The following TMEM161A variants were observed in gnomAD, a reference collection of about 807,000 sequenced individuals.
TMEM161A encodes the protein transmembrane protein 161A.
A neutral mutation model predicts 57.1 loss-of-function variants in TMEM161A; 46 were observed. The observed-to-expected ratio is 0.81, with a 90% CI of 0.64 to 1.03. TMEM161A has a LOEUF of 1.03. Among genes scored for constraint, TMEM161A ranks in the 50% least tolerant of loss-of-function variants. The pLI is 0.00. For missense variants in TMEM161A, 601 were observed against 621.5 expected (o/e 0.97, Z 0.35); for synonymous variants, 288 against 279.0 (o/e 1.03, Z -0.32).
chr19:19,121,969 C>A lies in TMEM161A; in HGVS notation c.596-150G>T. On this transcript the variant is annotated intron_variant, in intron 6 of 11. Transcript: ENST00000162044. The surrounding 1 kb of genome is among the most constrained non-coding windows in gnomAD (Gnocchi z 5.8). Reference sequence around the variant, plus strand: ...CCAGGCCCTGAGCCAGGCACAAGGACAATTTTGTGCTCTAGTTACACAGTA... The same window carrying A: ...CCAGGCCCTGAGCCAGGCACAAGGAAAATTTTGTGCTCTAGTTACACAGTA... 1 of 796,420 alleles carries A rather than the reference C, an allele frequency of 1.3e-6. No homozygotes were observed. The highest frequency in any genetic ancestry group is 2.0e-6 in the Non-Finnish European group (1 of 506,902). 49.3% of individuals were successfully genotyped at this position (796,420 alleles called of 1,614,324 possible).
At chr19:19,138,014 G>C (rs1380037272) in intron 1 of TMEM161A, among the ~76,000 whole-genome samples, 2 of 152,128 alleles carry the variant, frequency 1.3e-5, no homozygotes, top group Non-Finnish European at 2.9e-5. Context: ...GATGGATCCT[G>C]TCGGCGCGGC....
At chr19:19,138,061 AC>A (rs1449701623) in intron 1 of TMEM161A, among the ~76,000 whole-genome samples, 2 of 151,602 alleles carry the variant, frequency 1.3e-5, no homozygotes, top group African/African-American at 4.9e-5. Context: ...CCCAGAGTGG[AC>A]CCCCAACAGG....
At chr19:19,130,765 C>T (rs1351529776) in intron 5 of TMEM161A, among the ~76,000 whole-genome samples, 1 of 151,320 alleles carries the variant, frequency 6.6e-6, no homozygotes, top group Non-Finnish European at 1.5e-5. Flanking sequence ...AGTGAGACCC[C>T]CATCTCTACA....
rs567712064 is a variant in TMEM161A, at chr19:19,136,633, G to A, written c.4-1746C>T. 2.6e-5 allele frequency among the ~76,000 whole-genome samples: 4 copies of A among 152,228 alleles called. No individual in the cohort carries two copies. The South Asian group carries it at 8.3e-4, about 32-fold the overall frequency. On this transcript the variant is annotated intron_variant, in intron 1 of 11. Coordinates refer to ENST00000162044, the MANE Select transcript of TMEM161A (RefSeq NM_017814.3). ...ATTGTGCCACTGCACTCCAGCCTGG[G>A]CAACAGAGTGGGACTCTGTCTCAAA...
chr19:19,130,464 C>G, intron 5 of TMEM161A, 157 bp from the exon 6 acceptor site: 1 of 842,444 alleles, frequency 1.2e-6, no homozygotes. Flanking sequence ...GGTGCTGGAT[C>G]TCAGATCAGG....
chr19:19,136,908 G>A (rs1341639445), intron 1 of TMEM161A, among the ~76,000 whole-genome samples: 1 of 151,910 alleles, frequency 6.6e-6, no homozygotes, highest in Non-Finnish European at 1.5e-5. Context: ...GGTCAGGGCT[G>A]TTGAAGCCCC....
rs149689841 is a variant in TMEM161A, at chr19:19,120,062, C to G, written c.1308G>C (p.Gly436=). 4.3e-5 allele frequency: 69 copies of G among 1,595,914 alleles called. No homozygotes were observed. The African/African-American group carries it at 8.8e-4, about 20-fold the overall frequency. ...GGGGAGTAAGCAGGCCACCCAGAGC[C>G]CCGGCAATCCGCGCTGCAGTCTGCT... ...EVQQTAARIA[G]ALGGLLTPLF... The change falls in exon 12 of 12, where the codon GGG becomes GGC. Residue 436 remains glycine, a synonymous_variant. Transcript: ENST00000162044.
chr19:19,129,125 T>C (rs2059945144), intron 6 of TMEM161A, among the ~76,000 whole-genome samples: 1 of 152,182 alleles, frequency 6.6e-6, no homozygotes, highest in South Asian at 2.1e-4. Flanking sequence ...AATCAAGCCC[T>C]ATCCATGGAT....
Position 19,129,554 on chromosome 19 carries a change from T to C in TMEM161A, c.595+602A>G, listed in dbSNP as rs549990032. ...TGAGCTCAGGAGTGTGAGACCAGCC[T>C]GGGCAACATAGTGAGACCCTGTTTC... On this transcript the variant is annotated intron_variant, in intron 6 of 11. Coordinates refer to ENST00000162044, the MANE Select transcript of TMEM161A (RefSeq NM_017814.3). Among the ~76,000 whole-genome samples the C allele has an allele frequency of 4.6e-3, 702 of 152,184 alleles. 6 individuals are homozygous for C. Among genetic ancestry groups the C allele is most frequent in the African/African-American group, 0.015 (637 of 41,490 alleles).
At position 19,130,216 on chromosome 19, in the gene TMEM161A, G is replaced by C; in HGVS notation, c.535C>G (p.Leu179Val). The C allele has an allele frequency of 6.2e-7, 1 of 1,613,984 alleles. No individual in the cohort carries two copies. The highest frequency in any genetic ancestry group is 8.5e-7 in the Non-Finnish European group (1 of 1,180,044). ...VCLTFAFLFL[L>V]LAMLVQVVRE... is the part of the protein sequence containing the mutation. ...ACCACTTGCACCAGCATGGCCAGCAGCAGGAAGAGGAAGGCAAAGGTGAGG... is the reference window on the plus strand; with the variant it reads ...ACCACTTGCACCAGCATGGCCAGCACCAGGAAGAGGAAGGCAAAGGTGAGG... Residue 179 changes from leucine (L) to valine (V), a missense_variant, in exon 6 of 12, where the codon CTG becomes GTG. Transcript: ENST00000162044.
intron 6 of TMEM161A, among the ~76,000 whole-genome samples, chr19:19,126,072 C>T (rs1314503035): frequency 6.6e-6 from 1 of 151,380 alleles, no homozygotes; most frequent in Non-Finnish European, 1.5e-5. Flanking sequence ...TCAAGACCAG[C>T]CTGGTCAGCA....
In TMEM161A at chr19:19,121,758, C is replaced by T. The variant is rs147541900; in HGVS notation, c.656+1G>A. 13 of 1,613,966 alleles carry T rather than the reference C, an allele frequency of 8.1e-6. No individual in the cohort carries two copies. The highest frequency in any genetic ancestry group is 5.3e-5 in the African/African-American group (4 of 74,908). ...CTCCCTCCCCCATTCCCAGGACTCA[C>T]GCCCAGTCCCAGCCCTGCTTCTTCA... On this transcript the variant is annotated splice_donor_variant, in intron 7 of 11. Transcript: ENST00000162044. LOFTEE classifies it high-confidence loss of function. This position sits in a 1 kb window ranked among gnomAD's most constrained non-coding sequence, Gnocchi z 5.8.
chr19:19,133,456 G>A (rs1049515285), intron 2 of TMEM161A: 2 of 468,458 alleles, frequency 4.3e-6, no homozygotes, highest in South Asian at 4.0e-5. Flanking sequence ...AAGCCAGTGT[G>A]TGCAACTTTT....
intron 5 of TMEM161A, among the ~76,000 whole-genome samples, chr19:19,131,507 TACACACACACAC>T (rs58481745): frequency 6.9e-6 from 1 of 144,836 alleles, no homozygotes. Context: ...TATATATATA[TACACACACACAC>T]ACACACACAC....
At chr19:19,128,397 A>C (rs2059941676) in intron 6 of TMEM161A, among the ~76,000 whole-genome samples, 1 of 151,606 alleles carries the variant, frequency 6.6e-6, no homozygotes, top group Admixed American at 6.6e-5. Context: ...AGCCTAGCTA[A>C]TTTTTTGTAT....
Position 19,132,278 on chromosome 19 carries a change from A to G in TMEM161A, c.443+74T>C. 2 of 1,515,062 alleles carry G rather than the reference A, an allele frequency of 1.3e-6. No homozygotes were observed. Among genetic ancestry groups the G allele is most frequent in the Non-Finnish European group, 1.8e-6 (2 of 1,125,774 alleles). The allele number at this position is 1,515,062 out of a possible 1,614,324, so 93.9% of individuals were successfully genotyped here. A position where few individuals can be genotyped will look rare whatever the true frequency, so the allele number is the denominator to read the frequency against. On this transcript the variant is annotated intron_variant, in intron 5 of 11. Transcript: ENST00000162044. This position sits in a 1 kb window ranked among gnomAD's most constrained non-coding sequence, Gnocchi z 4.3. ...CACAGCAGGTGAAAACTGCCACACC[A>G]GTTTAGGGGAGCCAGGGAAGCTCAG...
intron 2 of TMEM161A, among the ~76,000 whole-genome samples, chr19:19,134,313 C>T (rs966711072): frequency 6.6e-6 from 1 of 152,092 alleles, no homozygotes; most frequent in African/African-American, 2.4e-5. Context: ...CAAATATATA[C>T]AGTTTGTGTC....
chr19:19,133,322 A>G (rs746361605), intron 2 of TMEM161A, 112 bp from the exon 3 acceptor site: 1 of 905,424 alleles, frequency 1.1e-6, no homozygotes, highest in Non-Finnish European at 1.7e-6. Context: ...CCAGGGGAAC[A>G]CTGGGAGGTA....
At chr19:19,135,351 G>A (rs1046961750) in intron 1 of TMEM161A, among the ~76,000 whole-genome samples, 2 of 151,980 alleles carry the variant, frequency 1.3e-5, no homozygotes, top group Non-Finnish European at 2.9e-5. Flanking sequence ...ACTGCGTCTC[G>A]GTTGAGCTTC....
Sources: allele counts gnomAD v4.1 joint callset (sites outside exome capture counted in the v4.1 genomes callset), GRCh38; gene constraint gnomAD v4.1.1; non-coding constraint Gnocchi (gnomAD v3.1); transcripts MANE v1.5; gene names NCBI Gene and HGNC (gene_info 2026-07-23, HGNC 2026-07-21).